The following FAT3 variants were observed in gnomAD, a reference collection of about 807,000 sequenced individuals.
FAT3 encodes protocadherin Fat 3.
In FAT3, 95 loss-of-function variants were observed where a neutral mutation model predicts 310.2. The observed-to-expected ratio is 0.31, with a 90% confidence interval of 0.26 to 0.36. The LOEUF (loss-of-function observed/expected upper bound fraction) is 0.36, where lower values mean the gene tolerates loss of function less well. Among genes scored for constraint, FAT3 ranks in the 10% least tolerant of loss-of-function variants. FAT3 has a pLI of 1.00. For synonymous variants in FAT3, 2,314 were observed against 2,192.9 expected (o/e 1.06, Z -1.54); for missense variants, 5,408 against 5,715.6 (o/e 0.95, Z 1.74).
chr11:92,812,626 TATA>T (rs1947708935), intron 13 of FAT3, among the ~76,000 whole-genome samples: 1 of 151,882 alleles, frequency 6.6e-6, no homozygotes, highest in South Asian at 2.1e-4. Flanking sequence ...AAAAAAAACT[TATA>T]ATAGCTGTTA....
chr11:92,264,653 G>C (rs1378722385), intron 1 of FAT3, among the ~76,000 whole-genome samples: 1 of 152,062 alleles, frequency 6.6e-6, no homozygotes, highest in African/African-American at 2.4e-5. Context: ...TATTGCTTTG[G>C]TTTGCACTTT....
chr11:92,880,653 A>G, intron 22 of FAT3, 78 bp from the exon 23 acceptor site: 1 of 1,467,836 alleles, frequency 6.8e-7, no homozygotes. Flanking sequence ...AAGAATTAGG[A>G]GGACATGTTA....
At chr11:92,645,506 A>C (rs1942122384) in intron 3 of FAT3, among the ~76,000 whole-genome samples, 1 of 151,746 alleles carries the variant, frequency 6.6e-6, no homozygotes, top group Admixed American at 6.6e-5. Flanking sequence ...AAAAAAAAAC[A>C]GGTAAACATC....
rs561062598 is a variant in FAT3, at chr11:92,405,403, ACTTGCTGTAATATGAT to A, written c.3292+50002_3292+50017del. On this transcript the variant is annotated intron_variant, in intron 2 of 27. Coordinates refer to ENST00000525166, the MANE Select transcript of FAT3 (RefSeq NM_001367949.2). ...CAAAGAGGTTTATTATTCAGCAAGA[ACTTGCTGTAATATGAT>A]CTCATTTAATAATCTTTCCAGTGGC... Among the ~76,000 whole-genome samples the A allele has an allele frequency of 5.0e-4, 76 of 152,300 alleles. 1 individual carries two copies. The highest frequency in any genetic ancestry group is 4.6e-3 in the Admixed American group (70 of 15,300).
At chr11:92,856,752 T>TC (rs1019315041) in intron 19 of FAT3, among the ~76,000 whole-genome samples, 6 of 152,214 alleles carry the variant, frequency 3.9e-5, no homozygotes, top group Admixed American at 3.9e-4. Flanking sequence ...CTTTTTTTTT[T>TC]CCCCTCTGAA....
chr11:92,642,225 C>T (rs1798532604), intron 3 of FAT3, among the ~76,000 whole-genome samples: 1 of 152,236 alleles, frequency 6.6e-6, no homozygotes, highest in African/African-American at 2.4e-5. Flanking sequence ...GCCTCATCCT[C>T]TTTTCCCATC....
At chr11:92,572,016 G>T (rs1277486073) in intron 3 of FAT3, among the ~76,000 whole-genome samples, 1 of 152,180 alleles carries the variant, frequency 6.6e-6, no homozygotes, top group Non-Finnish European at 1.5e-5. Flanking sequence ...GGCTCTTACA[G>T]CCCTGACAGG....
intron 3 of FAT3, among the ~76,000 whole-genome samples, chr11:92,534,620 T>C (rs1010231174): frequency 6.6e-6 from 1 of 152,156 alleles, no homozygotes; most frequent in African/African-American, 2.4e-5. Flanking sequence ...TTAAAATAAA[T>C]TCATATTGGA....
chr11:92,583,727 T>A (rs1191866435), intron 3 of FAT3, among the ~76,000 whole-genome samples: 4 of 151,964 alleles, frequency 2.6e-5, no homozygotes, highest in African/African-American at 9.7e-5. Context: ...ATAGTTGATG[T>A]TGGTGGAGCT....
intron 3 of FAT3, among the ~76,000 whole-genome samples, chr11:92,630,091 T>A (rs948081192): frequency 2.0e-5 from 3 of 152,124 alleles, no homozygotes; most frequent in Non-Finnish European, 4.4e-5. Context: ...GGCTTCTACC[T>A]CTCTTGTGTG....
rs142010887 is a variant in FAT3, at chr11:92,706,431, G to A, written c.3669+8986G>A. ...GGAGCGGTGGGGATGTGGACGGGGA[G>A]GAACAGTGGATTCTACCTGCCCCTT... On this transcript the variant is annotated intron_variant, in intron 4 of 27. Coordinates refer to ENST00000525166, the MANE Select transcript of FAT3 (RefSeq NM_001367949.2). Among the ~76,000 whole-genome samples the A allele has an allele frequency of 1.3e-3, 195 of 152,090 alleles. 3 individuals are homozygous for A. In the East Asian group the frequency reaches 0.022, roughly 18 times the overall value.
At chr11:92,408,097 A>C (rs980439273) in intron 2 of FAT3, 2 of 152,272 alleles carry the variant, frequency 1.3e-5, no homozygotes, top group African/African-American at 4.8e-5. Context: ...TAAAGATTCC[A>C]GCAGTGTTCA....
intron 12 of FAT3, among the ~76,000 whole-genome samples, chr11:92,809,358 T>C (rs899197882): frequency 6.6e-6 from 1 of 152,196 alleles, no homozygotes; most frequent in South Asian, 2.1e-4. Context: ...TTACCTGTTT[T>C]CCTGTAAATG....
At chr11:92,622,620 C>G (rs1357513225) in intron 3 of FAT3, among the ~76,000 whole-genome samples, 1 of 152,106 alleles carries the variant, frequency 6.6e-6, no homozygotes, top group Admixed American at 6.5e-5. Flanking sequence ...TATCAACTGT[C>G]TAGCTGAAGC....
At chr11:92,303,906 G>A (rs1947058464) in intron 1 of FAT3, among the ~76,000 whole-genome samples, 1 of 152,104 alleles carries the variant, frequency 6.6e-6, no homozygotes, top group Admixed American at 6.6e-5. Context: ...GATTCTGATA[G>A]TAATAAGTGC....
At chr11:92,620,762 C>T (rs1276803002) in intron 3 of FAT3, among the ~76,000 whole-genome samples, 1 of 152,044 alleles carries the variant, frequency 6.6e-6, no homozygotes, top group African/African-American at 2.4e-5. Flanking sequence ...TTAATTCAGA[C>T]TGCTGTAACG....
At chr11:92,386,049 G>A (rs894493130) in intron 2 of FAT3, among the ~76,000 whole-genome samples, 3 of 149,988 alleles carry the variant, frequency 2.0e-5, no homozygotes, top group African/African-American at 7.3e-5. Flanking sequence ...TCAGGAAGCT[G>A]AGGTGGAAGG....
rs17615477 is a variant in FAT3, at chr11:92,800,877, G to T, written c.7864G>T (p.Val2622Phe). 8,623 of 1,613,118 alleles carry T rather than the reference G, an allele frequency of 5.3e-3. 27 individuals carry two copies. The highest frequency in any genetic ancestry group is 6.5e-3 in the Non-Finnish European group (7,692 of 1,179,588). Residue 2622 changes from valine (V) to phenylalanine (F), a missense_variant, in exon 10 of 28, where the codon GTT becomes TTT. By Grantham distance (50) the Val-to-Phe change is conservative. Transcript: ENST00000525166. ...TGGAAGGGGCCACTTGGTCACTCAA[G>T]TTCAAGCCATAGATCCCGATGATGG... is the stretch of plus-strand genomic sequence containing the variant. ...DVGRGHLVTQ[V>F]QAIDPDDGAN...
At chr11:92,698,470 A>C (rs1001204611) in intron 4 of FAT3, among the ~76,000 whole-genome samples, 4 of 152,160 alleles carry the variant, frequency 2.6e-5, no homozygotes, top group African/African-American at 9.7e-5. Context: ...AGTTTCCCCT[A>C]CTATGAAATT....
Sources: allele counts gnomAD v4.1 joint callset (sites outside exome capture counted in the v4.1 genomes callset), GRCh38; gene constraint gnomAD v4.1.1; transcripts MANE v1.5; gene names NCBI Gene and HGNC (gene_info 2026-07-23, HGNC 2026-07-21).